SMYD3: variants seen among roughly 807,000 people sequenced by gnomAD.
SMYD3 encodes the protein SET and MYND domain containing 3.
Under a neutral mutation model 57.7 loss-of-function variants are expected in SMYD3, and 36 were observed. The observed-to-expected ratio is 0.62, with a 90% CI of 0.48 to 0.82. The LOEUF is 0.82. Among genes scored for constraint, SMYD3 ranks in the 40% least tolerant of loss-of-function variants. SMYD3 has a pLI of 0.00. For synonymous variants in SMYD3, 211 were observed against 195.0 expected (o/e 1.08, Z -0.68); for missense variants, 515 against 538.8 (o/e 0.96, Z 0.44).
At chr1:246,300,400 T>C (rs1412111850) in intron 5 of SMYD3, among the ~76,000 whole-genome samples, 1 of 152,198 alleles carries the variant, frequency 6.6e-6, no homozygotes, top group African/African-American at 2.4e-5. Context: ...TGGCTGTCTA[T>C]AGTCTGCTGT....
At chr1:246,312,908 T>C (rs927209375) in intron 5 of SMYD3, among the ~76,000 whole-genome samples, 1 of 145,396 alleles carries the variant, frequency 6.9e-6, no homozygotes, top group African/African-American at 2.5e-5. Flanking sequence ...TTGTTGGTTT[T>C]GGTTTGTTTG....
chr1:245,945,158 T>C (rs1031103413), intron 5 of SMYD3, among the ~76,000 whole-genome samples: 1 of 151,974 alleles, frequency 6.6e-6, no homozygotes, highest in Non-Finnish European at 1.5e-5. Flanking sequence ...TAAAGAGCTT[T>C]CGCACAGCAA....
At chr1:246,063,282 G>A (rs1231057486) in intron 5 of SMYD3, among the ~76,000 whole-genome samples, 2 of 152,212 alleles carry the variant, frequency 1.3e-5, no homozygotes, top group African/African-American at 4.8e-5. Context: ...GATAACGTGA[G>A]AAATGTCCCA....
intron 5 of SMYD3, among the ~76,000 whole-genome samples, chr1:246,263,109 A>G (rs6658269): frequency 0.21 from 31,503 of 152,098 alleles, 3,954 homozygotes; most frequent in East Asian, 0.58. Context: ...CACAATGCAT[A>G]GTGTTGACCA....
chr1:245,963,775 T>C (rs1470335427), intron 5 of SMYD3, among the ~76,000 whole-genome samples: 1 of 152,178 alleles, frequency 6.6e-6, no homozygotes, highest in African/African-American at 2.4e-5. Context: ...GAGCCTAACC[T>C]ACCTGGGGAA....
chr1:245,825,761 C>A (rs12046365), intron 10 of SMYD3, among the ~76,000 whole-genome samples: 26,710 of 151,682 alleles, frequency 0.18, 2,694 homozygotes, highest in East Asian at 0.25. Context: ...ATACATTTTT[C>A]TTTAATTCCT....
At chr1:246,312,632 G>C (rs1044335923) in intron 5 of SMYD3, among the ~76,000 whole-genome samples, 2 of 152,106 alleles carry the variant, frequency 1.3e-5, no homozygotes, top group African/African-American at 4.8e-5. Flanking sequence ...TGCACACGAC[G>C]AATCTGAAGT....
At chr1:246,331,317 A>G (rs1235689117) in intron 3 of SMYD3, among the ~76,000 whole-genome samples, 1 of 152,220 alleles carries the variant, frequency 6.6e-6, no homozygotes, top group Non-Finnish European at 1.5e-5. Context: ...AGGAAATAAG[A>G]TAAGTACTCT....
At chr1:246,348,077 T>TATATATATATATATATATAC in intron 2 of SMYD3, among the ~76,000 whole-genome samples, 4,679 of 85,434 alleles carry the variant, frequency 0.055, 448 homozygotes, top group African/African-American at 0.11. Flanking sequence ...TATATATATA[T>TATATATATATATATATATAC]ACACACACAC....
At chr1:246,322,194 C>T (rs1288350119) in intron 5 of SMYD3, 1 of 152,312 alleles carries the variant, frequency 6.6e-6, no homozygotes, top group African/African-American at 2.4e-5. Context: ...GACAAAAGCC[C>T]ATCTCTACTA....
At chr1:246,433,207 C>T (rs2067322728) in intron 1 of SMYD3, among the ~76,000 whole-genome samples, 1 of 152,146 alleles carries the variant, frequency 6.6e-6, no homozygotes, top group Non-Finnish European at 1.5e-5. Context: ...AGATCACAAT[C>T]TCACTTACAA....
chr1:245,898,897 C>CA (rs1439966365), intron 8 of SMYD3, among the ~76,000 whole-genome samples: 1 of 152,184 alleles, frequency 6.6e-6, no homozygotes, highest in Non-Finnish European at 1.5e-5. Context: ...CTGGGCAAGC[C>CA]ATGAGGACCC....
rs971512360 is a variant in SMYD3, at chr1:245,931,396, A to G, written c.532-1459T>C. Among the ~76,000 whole-genome samples, 9 of 152,172 alleles carry G rather than the reference A, an allele frequency of 5.9e-5. No individual in the cohort carries two copies. In the South Asian group the frequency reaches 1.9e-3, roughly 31 times the overall value. Reference sequence around the variant, plus strand: ...GTGGGGAATGAAAGGAGTCAGGATAATGCTCGAGTTTTTGGCCGAAGCAAG... The same window carrying G: ...GTGGGGAATGAAAGGAGTCAGGATAGTGCTCGAGTTTTTGGCCGAAGCAAG... On this transcript the variant is annotated intron_variant, in intron 5 of 11. Transcript: ENST00000490107.
intron 8 of SMYD3, among the ~76,000 whole-genome samples, chr1:245,867,635 G>A (rs2051929726): frequency 7.8e-6 from 1 of 127,696 alleles, no homozygotes; most frequent in Non-Finnish European, 1.8e-5. Context: ...GGCAAGAGAA[G>A]ATATGTGCAT....
chr1:246,272,318 T>C (rs899660831), intron 5 of SMYD3, among the ~76,000 whole-genome samples: 3 of 152,204 alleles, frequency 2.0e-5, no homozygotes, highest in Non-Finnish European at 4.4e-5. Flanking sequence ...AGTAGTATGT[T>C]GAATAGAAGT....
chr1:246,057,235 T>C (rs2060167474), intron 5 of SMYD3, among the ~76,000 whole-genome samples: 1 of 152,228 alleles, frequency 6.6e-6, no homozygotes, highest in Non-Finnish European at 1.5e-5. Context: ...AAATTCTCAA[T>C]AAATATTAGC....
chr1:246,269,725 C>A (rs1282073919), intron 5 of SMYD3, among the ~76,000 whole-genome samples: 2 of 151,842 alleles, frequency 1.3e-5, no homozygotes, highest in Admixed American at 6.6e-5. Context: ...TGCCATCTTG[C>A]CTGGCTCATT....
intron 5 of SMYD3, among the ~76,000 whole-genome samples, chr1:245,992,980 A>T (rs2058838958): frequency 2.1e-5 from 3 of 145,436 alleles, no homozygotes; most frequent in Admixed American, 1.4e-4. Flanking sequence ...TGGGGCCTGG[A>T]GTGGTCATGG....
At chr1:246,392,028 A>C (rs1164188393) in intron 1 of SMYD3, among the ~76,000 whole-genome samples, 1 of 152,162 alleles carries the variant, frequency 6.6e-6, no homozygotes, top group East Asian at 1.9e-4. Flanking sequence ...TGAATACTTC[A>C]CCGAAGCTTG....
Sources: allele counts gnomAD v4.1 joint callset (sites outside exome capture counted in the v4.1 genomes callset), GRCh38; gene constraint gnomAD v4.1.1; transcripts MANE v1.5; gene names NCBI Gene and HGNC (gene_info 2026-07-23, HGNC 2026-07-21).